MROH9: variants seen among roughly 807,000 people sequenced by gnomAD.
The protein encoded by MROH9 is maestro heat like repeat family member 9.
Under a neutral mutation model 98.2 loss-of-function variants are expected in MROH9, and 92 were observed. The ratio of observed to expected loss-of-function variants is 0.94; its 90% confidence interval spans 0.79 to 1.11. The LOEUF (loss-of-function observed/expected upper bound fraction) is 1.11. Ranked by LOEUF, MROH9 falls within the 50% of genes most tolerant of loss-of-function variation. MROH9 has a pLI of 0.00. For missense variants in MROH9, 1,057 were observed against 1,014.8 expected (o/e 1.04, Z -0.57); for synonymous variants, 397 against 368.9 (o/e 1.08, Z -0.87).
intron 21 of MROH9, among the ~76,000 whole-genome samples, chr1:171,063,073 A>G (rs1350771440): frequency 2.0e-5 from 3 of 151,948 alleles, no homozygotes; most frequent in Non-Finnish European, 4.4e-5. Flanking sequence ...AGAATTTTCC[A>G]TCTTTCTTTC....
At chr1:170,990,151 A>G (rs1557887453) in intron 11 of MROH9, 148 bp downstream of exon 11, 8 of 794,540 alleles carry the variant, frequency 1.0e-5, no homozygotes, top group Non-Finnish European at 5.7e-6. Flanking sequence ...ACCATGTGGG[A>G]TACTTGTAAG....
At chr1:170,965,314 G>T in intron 7 of MROH9, 59 bp downstream of exon 7, 1 of 1,167,426 alleles carries the variant, frequency 8.6e-7, no homozygotes, top group Non-Finnish European at 1.3e-6. Flanking sequence ...CCATAGTGCT[G>T]CTTTCCATGT....
chr1:170,978,580 G>A (rs1163401529), intron 8 of MROH9, among the ~76,000 whole-genome samples: 1 of 152,108 alleles, frequency 6.6e-6, no homozygotes, highest in Non-Finnish European at 1.5e-5. Flanking sequence ...TAGGCCCTTT[G>A]TTCCTTCCCC....
At chr1:170,937,066 T>C (rs942014465) in intron 1 of MROH9, among the ~76,000 whole-genome samples, 2 of 152,162 alleles carry the variant, frequency 1.3e-5, no homozygotes, top group Non-Finnish European at 1.5e-5. Flanking sequence ...GGAGGAGAGA[T>C]AAGGCTCACT....
intron 15 of MROH9, among the ~76,000 whole-genome samples, chr1:171,005,368 G>C (rs1234525491): frequency 1.3e-5 from 2 of 152,130 alleles, no homozygotes; most frequent in African/African-American, 4.8e-5. Context: ...ATCACGCCTG[G>C]CCAGTATAGA....
intron 9 of MROH9, among the ~76,000 whole-genome samples, chr1:170,985,645 C>T (rs1323345713): frequency 6.6e-6 from 1 of 152,080 alleles, no homozygotes; most frequent in Non-Finnish European, 1.5e-5. Context: ...ATATTCTGCC[C>T]TCCAATATTT....
At position 170,990,972 on chromosome 1, in the gene MROH9, A is replaced by T. The variant is rs539232145; in HGVS notation, c.1028+969A>T. Among the ~76,000 whole-genome samples, 3 of 152,292 alleles carry T rather than the reference A, an allele frequency of 2.0e-5. No individual in the cohort carries two copies. The South Asian group carries it at 6.2e-4, about 32-fold the overall frequency. ...TAACTCACAAAGTATTTTACTATTC[A>T]TAAAATTCCTAGAAAGATCTTTGTA... On this transcript the variant is annotated intron_variant, in intron 11 of 21. Transcript: ENST00000367759.
At chr1:170,947,789 C>T (rs1649391183) in intron 3 of MROH9, among the ~76,000 whole-genome samples, 4 of 151,880 alleles carry the variant, frequency 2.6e-5, no homozygotes. Context: ...TGAAAATGAC[C>T]TTCAGCACTA....
intron 20 of MROH9, among the ~76,000 whole-genome samples, chr1:171,038,479 A>G (rs1172654208): frequency 6.6e-6 from 1 of 152,166 alleles, no homozygotes; most frequent in African/African-American, 2.4e-5. Flanking sequence ...TATTCTTTTG[A>G]CTCAGTAATC....
chr1:171,050,159 T>G (rs1005803284), intron 20 of MROH9, among the ~76,000 whole-genome samples: 14 of 152,206 alleles, frequency 9.2e-5, no homozygotes, highest in African/African-American at 3.4e-4. Flanking sequence ...TGTCTGCTTT[T>G]GTTTTTGTTG....
intron 2 of MROH9, 88 bp from the exon 3 acceptor site, chr1:170,947,439 G>A: frequency 2.8e-6 from 3 of 1,071,732 alleles, no homozygotes; most frequent in Non-Finnish European, 4.3e-6. Flanking sequence ...CAAGGTCATA[G>A]TAGCTTCAGG....
At chr1:170,967,228 A>G (rs1415031484) in intron 7 of MROH9, among the ~76,000 whole-genome samples, 3 of 152,176 alleles carry the variant, frequency 2.0e-5, no homozygotes, top group Non-Finnish European at 4.4e-5. Context: ...TCGGTTCTGC[A>G]ATGTTCACTA....
intron 1 of MROH9, among the ~76,000 whole-genome samples, chr1:170,938,783 C>A (rs6695288): frequency 0.12 from 18,139 of 152,152 alleles, 1,955 homozygotes; most frequent in African/African-American, 0.29. Context: ...CTATGATGGA[C>A]GCAGTCCAAT....
chr1:170,969,143 C>A (rs977297649), intron 7 of MROH9, among the ~76,000 whole-genome samples: 1 of 152,258 alleles, frequency 6.6e-6, no homozygotes, highest in East Asian at 1.9e-4. Context: ...GTGTTCATTG[C>A]AGCAAAATTC....
chr1:170,941,143 T>C (rs1649105226), intron 1 of MROH9, among the ~76,000 whole-genome samples: 1 of 152,166 alleles, frequency 6.6e-6, no homozygotes, highest in Non-Finnish European at 1.5e-5. Flanking sequence ...ATTTTGGGTC[T>C]CCTGGAATTA....
intron 20 of MROH9, among the ~76,000 whole-genome samples, chr1:171,043,701 T>A (rs1372766157): frequency 6.6e-6 from 1 of 152,046 alleles, no homozygotes; most frequent in Non-Finnish European, 1.5e-5. Flanking sequence ...TTTCACTTAT[T>A]TGGTTAAATT....
At chr1:170,958,363 G>C in intron 3 of MROH9, 98 bp from the exon 4 acceptor site, 1 of 630,032 alleles carries the variant, frequency 1.6e-6, no homozygotes, top group South Asian at 2.9e-5. Flanking sequence ...GGTTCCTTTA[G>C]TCTCTGTAAA....
At position 170,985,073 on chromosome 1, in the gene MROH9, G is replaced by C. The variant is rs144943053; in HGVS notation, c.730-1488G>C. 8.4e-3 allele frequency among the ~76,000 whole-genome samples: 1,285 copies of C among 152,258 alleles called. 9 individuals are homozygous for C. Among genetic ancestry groups the C allele is most frequent in the Non-Finnish European group, 0.01 (708 of 68,018 alleles). ...GCACTCTCATTTTATATAGTGGTTGGTTGTAAGAGAGGACACTGTTTTGCA... is the reference window on the plus strand; with the variant it reads ...GCACTCTCATTTTATATAGTGGTTGCTTGTAAGAGAGGACACTGTTTTGCA... On this transcript the variant is annotated intron_variant, in intron 9 of 21. Transcript: ENST00000367759.
At chr1:170,998,442 C>T in intron 15 of MROH9, 168 bp downstream of exon 15, 1 of 1,574,910 alleles carries the variant, frequency 6.3e-7, no homozygotes, top group Non-Finnish European at 8.6e-7. Flanking sequence ...GGAGTTAGAT[C>T]TGGGTTATGG....
Sources: allele counts gnomAD v4.1 joint callset (sites outside exome capture counted in the v4.1 genomes callset), GRCh38; gene constraint gnomAD v4.1.1; transcripts MANE v1.5; gene names NCBI Gene and HGNC (gene_info 2026-07-23, HGNC 2026-07-21).